The following RBFOX1 variants were observed in gnomAD, a reference collection of about 807,000 sequenced individuals.
The protein encoded by RBFOX1 is RNA binding protein fox-1 homolog 1.
A neutral mutation model predicts 57.7 loss-of-function variants in RBFOX1; 8 were observed. The observed-to-expected ratio is 0.14, with a 90% CI of 0.08 to 0.25. The LOEUF (loss-of-function observed/expected upper bound fraction) is 0.25. RBFOX1 is among the 10% of genes least tolerant of loss of function. The probability of loss-of-function intolerance (pLI) is 1.00; values close to 1 mark genes in which losing one functional copy is unlikely to be tolerated. For missense variants in RBFOX1, 611 were observed against 548.5 expected, an observed-to-expected ratio of 1.11 and a Z score of -1.14; for synonymous variants, 326 against 222.4, an observed-to-expected ratio of 1.47 and a Z score of -4.15.
At chr16:6,778,756 G>T (rs1369297867) in intron 3 of RBFOX1, among the ~76,000 whole-genome samples, 6 of 151,886 alleles carry the variant, frequency 4.0e-5, no homozygotes. Flanking sequence ...ATATGATTGT[G>T]AATTTTCTTG....
At chr16:7,458,842 A>G (rs2059025145) in intron 4 of RBFOX1, among the ~76,000 whole-genome samples, 2 of 152,010 alleles carry the variant, frequency 1.3e-5, no homozygotes, top group South Asian at 4.1e-4. Context: ...ATTGCTTATC[A>G]CCATTTGACA....
At chr16:5,337,101 A>T (rs1395451543) in intron 1 of RBFOX1, among the ~76,000 whole-genome samples, 1 of 152,192 alleles carries the variant, frequency 6.6e-6, no homozygotes, top group Non-Finnish European at 1.5e-5. Flanking sequence ...AGCTGAAGAG[A>T]TGGCCGGCTG....
chr16:5,422,896 A>G (rs2067390611), intron 1 of RBFOX1, among the ~76,000 whole-genome samples: 1 of 102,212 alleles, frequency 9.8e-6, no homozygotes, highest in Non-Finnish European at 2.0e-5. Flanking sequence ...GGGAGGAGGA[A>G]GGAGGGGAGG....
intron 1 of RBFOX1, among the ~76,000 whole-genome samples, chr16:6,304,876 C>CAAAAAAAAAAAA (rs58680911): frequency 2.4e-4 from 19 of 79,646 alleles, no homozygotes; most frequent in East Asian, 1.8e-3. Context: ...GACCCTGTCT[C>CAAAAAAAAAAAA]AAAAAAAAAA....
chr16:6,132,066 C>T lies in RBFOX1; in HGVS notation c.-127+112074C>T, dbSNP rs148964256. On this transcript the variant is annotated intron_variant, in intron 1 of 15. Transcript: ENST00000550418. ...TATTTTGCCAAATAGAAGCTTAACA[C>T]GCTTTAGTTCACAAAGGAGCGAGAT... Among the ~76,000 whole-genome samples, 8 of 152,280 alleles carry T rather than the reference C, an allele frequency of 5.3e-5. No homozygotes were observed. In the East Asian group the frequency reaches 5.8e-4, roughly 11 times the overall value.
intron 3 of RBFOX1, among the ~76,000 whole-genome samples, chr16:7,049,196 TG>T (rs1211603305): frequency 1.3e-5 from 2 of 152,170 alleles, no homozygotes; most frequent in Non-Finnish European, 2.9e-5. Context: ...AGAAAGCTGG[TG>T]GTTTTTTGTT....
At chr16:7,642,678 A>C (rs1212529398) in intron 11 of RBFOX1, among the ~76,000 whole-genome samples, 1 of 152,154 alleles carries the variant, frequency 6.6e-6, no homozygotes, top group African/African-American at 2.4e-5. Context: ...TAATTATATA[A>C]ATTATTTGGG....
At position 6,812,736 on chromosome 16, in the gene RBFOX1, T is replaced by C. The variant is rs1216514200; in HGVS notation, c.-16+158086T>C. Among the ~76,000 whole-genome samples, 5 of 152,250 alleles carry C rather than the reference T, an allele frequency of 3.3e-5. No individual in the cohort carries two copies. The South Asian group carries it at 8.3e-4, about 25-fold the overall frequency. ...ATCTTTTAGGACAAGTGTGGCCTCA[T>C]GCAACATGGATTGTTGGAGGCCTCA... On this transcript the variant is annotated intron_variant, in intron 3 of 15. Coordinates refer to ENST00000550418, the MANE Select transcript of RBFOX1 (RefSeq NM_018723.4).
At chr16:7,562,953 T>C (rs1030467301) in intron 5 of RBFOX1, among the ~76,000 whole-genome samples, 6 of 152,198 alleles carry the variant, frequency 3.9e-5, no homozygotes, top group Admixed American at 3.9e-4. Context: ...CCGAGAGCTG[T>C]TGCATCTTCT....
chr16:6,420,471 A>G (rs2093741715), intron 2 of RBFOX1, among the ~76,000 whole-genome samples: 1 of 151,988 alleles, frequency 6.6e-6, no homozygotes, highest in African/African-American at 2.4e-5. Flanking sequence ...AAGGATGAAC[A>G]AAGAAAATGT....
At chr16:5,311,445 A>G (rs1054434505) in intron 1 of RBFOX1, among the ~76,000 whole-genome samples, 1 of 152,184 alleles carries the variant, frequency 6.6e-6, no homozygotes, top group African/African-American at 2.4e-5. Flanking sequence ...TGAGTGATAG[A>G]TCTACATTTA....
chr16:6,874,888 T>G (rs566740649), intron 3 of RBFOX1, among the ~76,000 whole-genome samples: 1 of 152,300 alleles, frequency 6.6e-6, no homozygotes, highest in African/African-American at 2.4e-5. Flanking sequence ...GAACATTACC[T>G]GTTCCCACAA....
chr16:6,510,302 A>T (rs2096226730), intron 2 of RBFOX1, among the ~76,000 whole-genome samples: 1 of 152,078 alleles, frequency 6.6e-6, no homozygotes, highest in African/African-American at 2.4e-5. Context: ...AGTCACCTCA[A>T]GTTGAAGTGT....
intron 3 of RBFOX1, among the ~76,000 whole-genome samples, chr16:6,927,414 C>CAAAAAAAAAAAAA (rs1194663760): frequency 9.4e-5 from 5 of 53,144 alleles, no homozygotes; most frequent in African/African-American, 4.3e-4. Flanking sequence ...CGCTTTCTCA[C>CAAAAAAAAAAAAA]AAAAAAAAAA....
intron 2 of RBFOX1, among the ~76,000 whole-genome samples, chr16:6,437,351 A>G (rs72760925): frequency 6.6e-6 from 1 of 152,310 alleles, no homozygotes; most frequent in Non-Finnish European, 1.5e-5. Context: ...CAGAGAGCAT[A>G]TTTCTGTTTA....
intron 3 of RBFOX1, among the ~76,000 whole-genome samples, chr16:6,758,125 T>C (rs1238212126): frequency 6.6e-6 from 1 of 152,020 alleles, no homozygotes; most frequent in Non-Finnish European, 1.5e-5. Flanking sequence ...TAAATGGGGA[T>C]TCATGATTTT....
chr16:6,021,456 A>G (rs2152352972), intron 1 of RBFOX1, among the ~76,000 whole-genome samples: 1 of 152,290 alleles, frequency 6.6e-6, no homozygotes, highest in East Asian at 1.9e-4. Context: ...AAGATCTTTT[A>G]TGTTCAGAAG....
At chr16:5,521,237 C>A (rs1206351148) in intron 2 of RBFOX1, among the ~76,000 whole-genome samples, 1 of 152,032 alleles carries the variant, frequency 6.6e-6, no homozygotes, top group African/African-American at 2.4e-5. Flanking sequence ...GGGTCCCCAA[C>A]TCCTTTATCT....
At chr16:5,441,316 G>C (rs896104034) in intron 1 of RBFOX1, among the ~76,000 whole-genome samples, 1 of 151,282 alleles carries the variant, frequency 6.6e-6, no homozygotes, top group African/African-American at 2.4e-5. Flanking sequence ...TTCTCATGCT[G>C]CTAATAAAGA....
Sources: allele counts gnomAD v4.1 joint callset (sites outside exome capture counted in the v4.1 genomes callset), GRCh38; gene constraint gnomAD v4.1.1; transcripts MANE v1.5; gene names NCBI Gene and HGNC (gene_info 2026-07-23, HGNC 2026-07-21).